Variants in CAPSL observed in about 807,000 individuals in gnomAD.
CAPSL encodes the protein calcyphosin-like protein.
A neutral mutation model predicts 21.3 loss-of-function variants in CAPSL; 17 were observed. The ratio of observed to expected loss-of-function variants is 0.80; its 90% CI spans 0.55 to 1.20. The LOEUF (loss-of-function observed/expected upper bound fraction) is 1.20. Among genes scored for constraint, CAPSL ranks in the 50% most tolerant of loss-of-function variants. The pLI is 0.00. For synonymous variants in CAPSL, 102 were observed against 89.3 expected, an observed-to-expected ratio of 1.14 and a Z score of -0.80; for missense variants, 289 against 259.3, an observed-to-expected ratio of 1.11 and a Z score of -0.79.
At chr5:35,921,350 T>A (rs182615234) in intron 1 of CAPSL, among the ~76,000 whole-genome samples, 2 of 152,344 alleles carry the variant, frequency 1.3e-5, no homozygotes, top group African/African-American at 4.8e-5. Context: ...ATCTTAAATA[T>A]ATCACCATTT....
At position 35,912,281 on chromosome 5, in the gene CAPSL, G is replaced by A. The variant is rs190712228; in HGVS notation, c.138-1738C>T. Among the ~76,000 whole-genome samples, 991 of 152,248 alleles carry A rather than the reference G, an allele frequency of 6.5e-3. 15 individuals are homozygous for A. The highest frequency in any genetic ancestry group is 0.023 in the African/African-American group (936 of 41,538). On this transcript the variant is annotated intron_variant, in intron 2 of 4. Transcript: ENST00000651391. ...CCTGCCTCTGTAGACTCCACCTCTG[G>A]GGGCAGGGCATAGCCAAACAAAAGG...
chr5:35,918,079 C>T (rs1319932079), intron 2 of CAPSL, among the ~76,000 whole-genome samples: 2 of 152,090 alleles, frequency 1.3e-5, no homozygotes, highest in Non-Finnish European at 2.9e-5. Flanking sequence ...ACCACAAATA[C>T]CATTTGACCC....
chr5:35,909,309 T>C (rs1041044692), intron 4 of CAPSL, among the ~76,000 whole-genome samples: 1 of 152,192 alleles, frequency 6.6e-6, no homozygotes, highest in Non-Finnish European at 1.5e-5. Flanking sequence ...CACTAAAGAA[T>C]AAATCAGAGT....
chr5:35,927,082 G>A (rs1738703944), intron 1 of CAPSL, among the ~76,000 whole-genome samples: 1 of 152,202 alleles, frequency 6.6e-6, no homozygotes, highest in South Asian at 2.1e-4. Context: ...GGGGAAAGGA[G>A]GCTTCCCCGC....
In CAPSL at chr5:35,920,924, C is replaced by T; in HGVS notation, c.137+60G>A. 1.3e-6 allele frequency: 2 copies of T among 1,575,556 alleles called. 1 individual carries two copies. Among genetic ancestry groups the T allele is most frequent in the South Asian group, 2.3e-5 (2 of 86,178 alleles). On this transcript the variant is annotated intron_variant, in intron 2 of 4. Coordinates refer to ENST00000651391, the MANE Select transcript of CAPSL (RefSeq NM_001042625.2). ...CCAAGACCACGTGGCCAACATTAGC[C>T]TCACCTGGCAGAGTCATTCCTTCCC...
chr5:35,925,503 G>T (rs1162191337), intron 1 of CAPSL, among the ~76,000 whole-genome samples: 1 of 152,236 alleles, frequency 6.6e-6, no homozygotes, highest in African/African-American at 2.4e-5. Context: ...GGTGGCAGGG[G>T]GAGATGAACA....
chr5:35,904,475 G>A lies in CAPSL; in HGVS notation c.*70C>T, dbSNP rs1760625130. ...GAGTGTGAAATCAAATACGATTCTGGTTTTTGAGCTGACATTTAGTCATTT... is the reference window on the plus strand; with the variant it reads ...GAGTGTGAAATCAAATACGATTCTGATTTTTGAGCTGACATTTAGTCATTT... On this transcript the variant is annotated 3_prime_UTR_variant, in exon 5 of 5. Coordinates refer to ENST00000651391, the MANE Select transcript of CAPSL (RefSeq NM_001042625.2). 2 of 1,140,446 alleles carry A rather than the reference G, an allele frequency of 1.8e-6. No homozygotes were observed. Among genetic ancestry groups the A allele is most frequent in the Admixed American group, 4.1e-5 (2 of 48,914 alleles). The allele number at this position is 1,140,446 out of a possible 1,614,324, so 70.6% of individuals were successfully genotyped here.
chr5:35,906,579 GA>G (rs1287164695), intron 4 of CAPSL, among the ~76,000 whole-genome samples: 51 of 152,226 alleles, frequency 3.4e-4, no homozygotes, highest in African/African-American at 1.1e-3. Flanking sequence ...AAATCACAAA[GA>G]CTTCAGCTCT....
At position 35,910,512 on chromosome 5, in the gene CAPSL, G is replaced by A. The variant is rs202156612; in HGVS notation, c.169C>T (p.Arg57Ter). 8.3e-5 allele frequency: 134 copies of A among 1,607,706 alleles called. No homozygotes were observed. Among genetic ancestry groups the A allele is most frequent in the South Asian group, 8.0e-4 (72 of 90,194 alleles). ...VFRIMDDDNN[R>*]TLDFKEFMKG... Reference sequence around the variant, plus strand: ...ATAAATTCTTTAAAATCAAGGGTTCGATTATTATCGTCATCCATAATTCTA... The same window carrying A: ...ATAAATTCTTTAAAATCAAGGGTTCAATTATTATCGTCATCCATAATTCTA... Residue 57 changes from arginine to a stop codon, truncating the protein, a stop_gained, in exon 3 of 5, where the codon CGA becomes TGA. Transcript: ENST00000651391. LOFTEE classifies it high-confidence loss of function.
chr5:35,909,625 A>G (rs1036119427), intron 4 of CAPSL, among the ~76,000 whole-genome samples: 1 of 152,202 alleles, frequency 6.6e-6, no homozygotes, highest in African/African-American at 2.4e-5. Context: ...CCCTACCAAT[A>G]TATTTCAATA....
At chr5:35,919,168 A>ATT (rs1328263175) in intron 2 of CAPSL, among the ~76,000 whole-genome samples, 2 of 113,036 alleles carry the variant, frequency 1.8e-5, no homozygotes, top group African/African-American at 6.5e-5. Flanking sequence ...ATTAAAAAAA[A>ATT]AAATATATAT....
At chr5:35,908,527 A>G (rs1194342436) in intron 4 of CAPSL, among the ~76,000 whole-genome samples, 1 of 152,230 alleles carries the variant, frequency 6.6e-6, no homozygotes, top group Non-Finnish European at 1.5e-5. Context: ...TCCCCTGGCA[A>G]TGAGGAGGAA....
chr5:35,934,491 C>T (rs1284648112), intron 1 of CAPSL, among the ~76,000 whole-genome samples: 1 of 152,232 alleles, frequency 6.6e-6, no homozygotes, highest in Non-Finnish European at 1.5e-5. Flanking sequence ...ACTGTGTTAA[C>T]CACACTTCCT....
intron 1 of CAPSL, among the ~76,000 whole-genome samples, chr5:35,933,114 A>G (rs369540722): frequency 5.5e-4 from 84 of 152,130 alleles, no homozygotes; most frequent in African/African-American, 1.9e-3. Flanking sequence ...TAAATTTCCT[A>G]CTCTCTGGCC....
At chr5:35,912,284 G>A (rs973349667) in intron 2 of CAPSL, among the ~76,000 whole-genome samples, 6 of 152,218 alleles carry the variant, frequency 3.9e-5, no homozygotes, top group African/African-American at 1.4e-4. Flanking sequence ...ACCTCTGGGG[G>A]CAGGGCATAG....
chr5:35,929,603 A>G (rs569411132), intron 1 of CAPSL, among the ~76,000 whole-genome samples: 34 of 152,208 alleles, frequency 2.2e-4, no homozygotes, highest in African/African-American at 8.2e-4. Flanking sequence ...AAACAGTTCT[A>G]AGTCACTGCA....
chr5:35,914,778 C>T lies in CAPSL; in HGVS notation c.138-4235G>A, dbSNP rs1362053348. ...AGCAGGAAAGATCTAAAATTGACAC[C>T]CTAATGTCACAATTAAAAGAACTAG... On this transcript the variant is annotated intron_variant, in intron 2 of 4. Coordinates refer to ENST00000651391, the MANE Select transcript of CAPSL (RefSeq NM_001042625.2). Among the ~76,000 whole-genome samples the T allele has an allele frequency of 2.0e-5, 3 of 151,944 alleles. No individual in the cohort carries two copies. The East Asian group carries it at 5.8e-4, about 29-fold the overall frequency.
At chr5:35,931,418 G>A (rs959699803) in intron 1 of CAPSL, among the ~76,000 whole-genome samples, 6 of 144,604 alleles carry the variant, frequency 4.1e-5, no homozygotes, top group African/African-American at 1.3e-4. Flanking sequence ...AAGAACCCAT[G>A]TAACTGACAC....
intron 2 of CAPSL, among the ~76,000 whole-genome samples, chr5:35,917,625 C>A (rs934669424): frequency 2.0e-5 from 3 of 152,080 alleles, no homozygotes; most frequent in Non-Finnish European, 2.9e-5. Flanking sequence ...GACAAAAAAC[C>A]AAACACCGCA....
Sources: allele counts gnomAD v4.1 joint callset (sites outside exome capture counted in the v4.1 genomes callset), GRCh38; gene constraint gnomAD v4.1.1; transcripts MANE v1.5; gene names NCBI Gene and HGNC (gene_info 2026-07-23, HGNC 2026-07-21).